Variants in NLK observed in about 807,000 individuals in gnomAD.
The protein encoded by NLK is serine/threonine-protein kinase NLK.
A neutral mutation model predicts 59.0 loss-of-function variants in NLK; 11 were observed. The ratio of observed to expected loss-of-function variants is 0.19; its 90% CI spans 0.12 to 0.31. NLK has a LOEUF of 0.31. NLK is among the 10% of genes least tolerant of loss of function. The pLI, the probability that NLK is intolerant of heterozygous loss-of-function variation, is 1.00. For missense variants in NLK, 410 were observed against 661.1 expected (o/e 0.62, Z 4.16); for synonymous variants, 235 against 235.9 (o/e 1.00, Z 0.03).
At chr17:28,153,993 CAT>C (rs995426859) in intron 3 of NLK, among the ~76,000 whole-genome samples, 4 of 152,110 alleles carry the variant, frequency 2.6e-5, no homozygotes, top group Non-Finnish European at 5.9e-5. Context: ...CATGGTCACA[CAT>C]ATGTGTGGCC....
chr17:28,205,581 G>T, the NLK span, among the ~76,000 whole-genome samples: 1 of 152,154 alleles, frequency 6.6e-6, no homozygotes, highest in Non-Finnish European at 1.5e-5. Flanking sequence ...GAAAGAGAAA[G>T]AATTATTTTA....
chr17:28,129,045 T>C (rs940417534), intron 2 of NLK, among the ~76,000 whole-genome samples: 1 of 152,132 alleles, frequency 6.6e-6, no homozygotes, highest in Non-Finnish European at 1.5e-5. Context: ...AATGAAAGAA[T>C]CTATACACAA....
intron 1 of NLK, among the ~76,000 whole-genome samples, chr17:28,111,890 GTGTGTGGT>G (rs1254299539): frequency 5.5e-4 from 65 of 117,660 alleles, no homozygotes; most frequent in African/African-American, 1.5e-3. Context: ...GTGTGTGTGT[GTGTGTGGT>G]GTGTGTGTGT....
rs762391043 is a variant in NLK, at chr17:28,194,631, G to C, written c.1579G>C (p.Glu527Gln). 2 of 1,593,974 alleles carry C rather than the reference G, an allele frequency of 1.3e-6. No homozygotes were observed. Among genetic ancestry groups the C allele is most frequent in the Non-Finnish European group, 1.7e-6 (2 of 1,164,370 alleles). The change falls in exon 11 of 11, where the codon GAG (glutamate) becomes CAG (glutamine). Residue 527 changes from glutamate (E) to glutamine (Q), a missense_variant. By Grantham distance (29) the Glu-to-Gln change is conservative. This residue lies in a region of NLK where 25 missense variants were observed against 29.7 expected (regional missense o/e 0.84). Coordinates refer to ENST00000407008, the MANE Select transcript of NLK (RefSeq NM_016231.5). ...SEMPPSPLVW[E>Q] is the part of the protein sequence containing the mutation. ...GATGCCCCCATCTCCTCTGGTGTGG[G>C]AGTGATGGTGGAAGATAATGTACTA... is the stretch of plus-strand genomic sequence containing the variant.
At chr17:28,123,429 A>G (rs528866825) in intron 2 of NLK, among the ~76,000 whole-genome samples, 1 of 152,312 alleles carries the variant, frequency 6.6e-6, no homozygotes, top group South Asian at 2.1e-4. Context: ...GAACAAGTGT[A>G]AGTGAATTCA....
intron 1 of NLK, among the ~76,000 whole-genome samples, chr17:28,099,360 C>T (rs111862237): frequency 2.6e-5 from 4 of 152,044 alleles, no homozygotes; most frequent in African/African-American, 9.6e-5. Flanking sequence ...GATCACGGAA[C>T]CCCCACCACA....
chr17:28,185,166 A>C lies in NLK; in HGVS notation c.1150-13A>C. 6.6e-7 allele frequency: 1 copy of C among 1,511,460 alleles called. No individual in the cohort carries two copies. Among genetic ancestry groups the C allele is most frequent in the Non-Finnish European group, 8.9e-7 (1 of 1,119,830 alleles). 93.6% of individuals were successfully genotyped at this position (1,511,460 alleles called of 1,614,324 possible). A position where few individuals can be genotyped will look rare whatever the true frequency, so the allele number is the denominator to read the frequency against. On this transcript the variant is annotated splice_polypyrimidine_tract_variant and intron_variant, in intron 7 of 10. Coordinates refer to ENST00000407008, the MANE Select transcript of NLK (RefSeq NM_016231.5). Reference sequence around the variant, plus strand: ...GACTCACTTAAATATTTGAATTTTTAATTTTTTCACAGCCATCTCTTCCTG... The same window carrying C: ...GACTCACTTAAATATTTGAATTTTTCATTTTTTCACAGCCATCTCTTCCTG...
At chr17:28,156,432 C>G (rs997951937) in intron 3 of NLK, among the ~76,000 whole-genome samples, 1 of 152,172 alleles carries the variant, frequency 6.6e-6, no homozygotes, top group Non-Finnish European at 1.5e-5. Context: ...TATCTGTTGT[C>G]TGATTGCCTC....
chr17:28,061,495 G>C (rs1909633959), intron 1 of NLK, among the ~76,000 whole-genome samples: 1 of 152,044 alleles, frequency 6.6e-6, no homozygotes. Context: ...GGAGGCCTCA[G>C]CTGTAAGACA....
intron 3 of NLK, among the ~76,000 whole-genome samples, chr17:28,142,927 G>T (rs765037648): frequency 4.6e-5 from 7 of 152,320 alleles, no homozygotes; most frequent in African/African-American, 1.7e-4. Context: ...TGTGGCTTGA[G>T]GGGGCCAGGC....
At chr17:28,173,965 T>C (rs1423846249) in intron 7 of NLK, among the ~76,000 whole-genome samples, 1 of 152,226 alleles carries the variant, frequency 6.6e-6, no homozygotes, top group Non-Finnish European at 1.5e-5. Flanking sequence ...GAGTTTTAAC[T>C]GTTGTTAATG....
chr17:28,167,268 A>C (rs2142052998), intron 5 of NLK, among the ~76,000 whole-genome samples: 1 of 151,666 alleles, frequency 6.6e-6, no homozygotes, highest in Non-Finnish European at 1.5e-5. Context: ...TCTCAATCTC[A>C]CTCTGTCTCC....
chr17:28,125,012 C>T (rs1387136915), intron 2 of NLK, among the ~76,000 whole-genome samples: 4 of 151,934 alleles, frequency 2.6e-5, no homozygotes, highest in African/African-American at 4.8e-5. Context: ...CACGACACTG[C>T]ACTCCAGCCT....
chr17:28,092,787 ATTTTATTTTATTTTAT>A (rs1904548956), intron 1 of NLK, among the ~76,000 whole-genome samples: 1 of 147,996 alleles, frequency 6.8e-6, no homozygotes, highest in African/African-American at 2.5e-5. Context: ...ATTTTATTTT[ATTTTATTTTATTTTAT>A]TTTATTTATT....
At chr17:28,097,397 TA>T (rs1052627301) in intron 1 of NLK, among the ~76,000 whole-genome samples, 6 of 152,154 alleles carry the variant, frequency 3.9e-5, no homozygotes, top group African/African-American at 1.4e-4. Flanking sequence ...ATTATACAAG[TA>T]AAATTCAAAT....
At chr17:28,198,162 A>G (rs112426632), downstream of NLK, among the ~76,000 whole-genome samples, 1 of 152,172 alleles carries the variant, frequency 6.6e-6, no homozygotes, top group African/African-American at 2.4e-5. Flanking sequence ...TTTGAGACAG[A>G]GTCTTGCTCT....
Position 28,161,218 on chromosome 17 carries a change from C to T in NLK, c.703C>T (p.Pro235Ser). 6.2e-7 allele frequency: 1 copy of T among 1,612,132 alleles called. No homozygotes were observed. Among genetic ancestry groups the T allele is most frequent in the Non-Finnish European group, 8.5e-7 (1 of 1,178,258 alleles). The change falls in exon 4 of 11, where the codon CCA (proline) becomes TCA (serine). Residue 235 changes from proline (P) to serine (S), a missense_variant. Physicochemically the swap from Pro to Ser is moderately conservative, Grantham distance 74 (BLOSUM62 -1). This residue lies in a region of NLK where 73 missense variants were observed against 197.2 expected (regional missense o/e 0.37). Coordinates refer to ENST00000407008, the MANE Select transcript of NLK (RefSeq NM_016231.5). ...ACATAAAATTATCGTCTCTCCTCAA[C>T]CACTCAGCTCAGATCATGTCAAAGT... ...DLHKIIVSPQPLSSDHVKVFL... is the reference protein window; with the variant it reads ...DLHKIIVSPQSLSSDHVKVFL...
At position 28,194,764 on chromosome 17, in the gene NLK, A is replaced by G. The variant is rs1191383846; in HGVS notation, c.*128A>G. On this transcript the variant is annotated 3_prime_UTR_variant, in exon 11 of 11. Coordinates refer to ENST00000407008, the MANE Select transcript of NLK (RefSeq NM_016231.5). ...ATGAAGTTTTAAATTAACAACCACTACTTGTATGATATGAATAATATTTAG... is the reference window on the plus strand; with the variant it reads ...ATGAAGTTTTAAATTAACAACCACTGCTTGTATGATATGAATAATATTTAG... The G allele has an allele frequency of 6.1e-6, 3 of 492,224 alleles. No homozygotes were observed. The highest frequency in any genetic ancestry group is 3.5e-5 in the Admixed American group (1 of 28,280). The allele number at this position is 492,224 out of a possible 1,614,324, so 30.5% of individuals were successfully genotyped here.
intron 3 of NLK, among the ~76,000 whole-genome samples, chr17:28,152,240 T>G (rs1215273490): frequency 6.6e-6 from 1 of 152,222 alleles, no homozygotes; most frequent in Non-Finnish European, 1.5e-5. Context: ...ATTTTCTCCT[T>G]TCTTTGAAAA....
Sources: allele counts gnomAD v4.1 joint callset (sites outside exome capture counted in the v4.1 genomes callset), GRCh38; gene constraint gnomAD v4.1.1; regional missense constraint gnomAD v4.1.1; transcripts MANE v1.5; gene names NCBI Gene and HGNC (gene_info 2026-07-23, HGNC 2026-07-21).